Variants in SORBS2 observed in about 807,000 individuals in gnomAD.
The protein encoded by SORBS2 is sorbin and SH3 domain containing 2.
In SORBS2, 46 loss-of-function variants were observed where a neutral mutation model predicts 97.7. The observed-to-expected ratio is 0.47, with a 90% CI of 0.37 to 0.60. SORBS2 has a LOEUF of 0.60. Among genes scored for constraint, SORBS2 ranks in the 20% least tolerant of loss-of-function variants. The pLI is 0.00. For synonymous variants in SORBS2, 476 were observed against 473.4 expected (o/e 1.01, Z -0.07); for missense variants, 1,316 against 1,282.3 (o/e 1.03, Z -0.40).
intron 4 of SORBS2, chr4:185,665,751 G>A: frequency 9.6e-7 from 1 of 1,041,150 alleles, no homozygotes; most frequent in Non-Finnish European, 1.2e-6. Flanking sequence ...CCGCAGGGGT[G>A]GTTAAGGTGG....
intron 1 of SORBS2, among the ~76,000 whole-genome samples, chr4:185,874,479 A>T (rs1235391784): frequency 6.6e-6 from 1 of 152,160 alleles, no homozygotes; most frequent in African/African-American, 2.4e-5. Context: ...GGCCCCAAAG[A>T]TGCATGCTGA....
chr4:185,936,419 C>G (rs962475210), intron 1 of SORBS2, among the ~76,000 whole-genome samples: 1 of 152,088 alleles, frequency 6.6e-6, no homozygotes, highest in Non-Finnish European at 1.5e-5. Flanking sequence ...GGTACTGAAA[C>G]CATCAATTAC....
chr4:185,607,313 T>C lies in SORBS2; in HGVS notation c.2796+4467A>G. The C allele has an allele frequency of 7.8e-7, 1 of 1,286,700 alleles. No individual in the cohort carries two copies. Among genetic ancestry groups the C allele is most frequent in the Non-Finnish European group, 1.0e-6 (1 of 987,398 alleles). 79.7% of individuals were successfully genotyped at this position (1,286,700 alleles called of 1,614,324 possible). ...CCTTTATCTGAGCCAGGTGAGACTT[T>C]GTGGGTGGGAGGAGGGGCTGGTTCA... is the stretch of plus-strand genomic sequence containing the variant. On this transcript the variant is annotated intron_variant, in intron 12 of 14. Coordinates refer to ENST00000418609, the Ensembl canonical transcript of SORBS2. This position sits in a 1 kb window ranked among gnomAD's most constrained non-coding sequence, Gnocchi z 5.2.
intron 2 of SORBS2, among the ~76,000 whole-genome samples, chr4:185,686,354 C>T (rs1384114554): frequency 2.0e-5 from 3 of 152,060 alleles, no homozygotes; most frequent in African/African-American, 7.2e-5. Flanking sequence ...TCTTACTTCA[C>T]TTTTTTAAAG....
chr4:185,744,171 T>TC (rs2098746249), intron 2 of SORBS2, among the ~76,000 whole-genome samples: 1 of 151,838 alleles, frequency 6.6e-6, no homozygotes, highest in Non-Finnish European at 1.5e-5. Flanking sequence ...TTATTTGATC[T>TC]CCAATTTTCA....
intron 1 of SORBS2, among the ~76,000 whole-genome samples, chr4:185,782,813 G>C (rs2153636777): frequency 6.6e-6 from 1 of 152,330 alleles, no homozygotes; most frequent in African/African-American, 2.4e-5. Context: ...CTGTAGAGCA[G>C]GGGTCAAAGC....
At chr4:185,921,609 A>T (rs987061417) in intron 1 of SORBS2, among the ~76,000 whole-genome samples, 2 of 152,216 alleles carry the variant, frequency 1.3e-5, no homozygotes, top group Non-Finnish European at 2.9e-5. Context: ...CTGTCTCTGA[A>T]AAAACAAAGA....
At chr4:185,661,651 T>C (rs2153474602), upstream of SORBS2, among the ~76,000 whole-genome samples, 1 of 152,310 alleles carries the variant, frequency 6.6e-6, no homozygotes. Context: ...TGTGAGCCAG[T>C]AGATGACTGC....
intron 1 of SORBS2, among the ~76,000 whole-genome samples, chr4:185,804,991 TTTTC>T (rs1305077241): frequency 4.6e-5 from 7 of 152,126 alleles, no homozygotes; most frequent in African/African-American, 1.2e-4. Context: ...GGATTTAAAC[TTTTC>T]TTTCTTATTC....
At chr4:185,926,023 A>G (rs762226234) in intron 1 of SORBS2, among the ~76,000 whole-genome samples, 1 of 152,178 alleles carries the variant, frequency 6.6e-6, no homozygotes, top group African/African-American at 2.4e-5. Flanking sequence ...GCACACACAG[A>G]CTCGGAGGAG....
At position 185,893,314 on chromosome 4, in the gene SORBS2, C is replaced by T. The variant is rs146996826; in HGVS notation, c.-338+62882G>A. ...TCTGCGAGTGTGAGCCTGGGGTAGG[C>T]GGGATGCATGGGCTGCAATACACCA... On this transcript the variant is annotated intron_variant, in intron 1 of 20. Transcript: ENST00000284776. Among the ~76,000 whole-genome samples the T allele has an allele frequency of 4.2e-3, 637 of 152,256 alleles. 3 individuals are homozygous for T. The highest frequency in any genetic ancestry group is 7.2e-3 in the Non-Finnish European group (490 of 68,024).
intron 1 of SORBS2, among the ~76,000 whole-genome samples, chr4:185,790,187 A>G (rs1344088986): frequency 1.3e-5 from 2 of 151,994 alleles, no homozygotes; most frequent in African/African-American, 2.4e-5. Context: ...TCTGCGCACA[A>G]CACATTTGCT....
exon 15 of SORBS2, chr4:185,587,681 T>C: frequency 6.2e-7 from 1 of 1,612,886 alleles, no homozygotes; most frequent in Non-Finnish European, 8.5e-7. Flanking sequence ...TGGTTCTTCT[T>C]GAGGTCCCTG....
intron 1 of SORBS2, among the ~76,000 whole-genome samples, chr4:185,946,101 G>A (rs2150013160): frequency 6.7e-6 from 1 of 149,996 alleles, no homozygotes; most frequent in Non-Finnish European, 1.5e-5. Context: ...GGGGTTGATA[G>A]GTGTGATGAT....
At chr4:185,744,175 A>G (rs961781781) in intron 2 of SORBS2, among the ~76,000 whole-genome samples, 1 of 140,698 alleles carries the variant, frequency 7.1e-6, no homozygotes, top group African/African-American at 2.7e-5. Context: ...TTGATCTCCA[A>G]TTTTCACTTC....
intron 2 of SORBS2, among the ~76,000 whole-genome samples, chr4:185,691,752 G>T (rs921693562): frequency 1.5e-3 from 225 of 147,262 alleles, no homozygotes; most frequent in Non-Finnish European, 2.9e-3. Context: ...TCAGAAAAAA[G>T]TTTTTTTTTT....
chr4:185,869,033 T>C (rs2099228915), intron 1 of SORBS2, among the ~76,000 whole-genome samples: 1 of 152,190 alleles, frequency 6.6e-6, no homozygotes, highest in Non-Finnish European at 1.5e-5. Flanking sequence ...GCCAAGAACT[T>C]GCCTTTGGTG....
chr4:185,842,887 A>G (rs1304244309), intron 1 of SORBS2, among the ~76,000 whole-genome samples: 1 of 150,734 alleles, frequency 6.6e-6, no homozygotes, highest in East Asian at 2.0e-4. Context: ...GTGAGCCAAG[A>G]TCACACCACT....
intron 2 of SORBS2, among the ~76,000 whole-genome samples, chr4:185,691,209 C>CT (rs2098087323): frequency 6.6e-6 from 1 of 150,956 alleles, no homozygotes. Context: ...CTGTTTGTTT[C>CT]TTTTTTAGAG....
Sources: allele counts gnomAD v4.1 joint callset (sites outside exome capture counted in the v4.1 genomes callset), GRCh38; gene constraint gnomAD v4.1.1; non-coding constraint Gnocchi (gnomAD v3.1); transcripts MANE v1.5; gene names NCBI Gene and HGNC (gene_info 2026-07-23, HGNC 2026-07-21).